LRRC53: variants seen among roughly 807,000 people sequenced by gnomAD.
LRRC53 encodes the protein leucine rich repeat containing 53.
In LRRC53, 25 loss-of-function variants were observed where a neutral mutation model predicts 13.6. That is an observed-to-expected ratio of 1.83 (90% confidence interval 1.34 to 2.56). The LOEUF (loss-of-function observed/expected upper bound fraction) is 2.56, where lower values mean the gene tolerates loss of function less well. LRRC53 is among the 30% of genes most tolerant of loss of function. The pLI is 0.00. For missense variants in LRRC53, 527 were observed against 275.8 expected, an observed-to-expected ratio of 1.91 and a Z score of -6.45; for synonymous variants, 204 against 109.8, an observed-to-expected ratio of 1.86 and a Z score of -5.37.
chr1:74,485,902 A>C (rs969665709), intron 1 of LRRC53, among the ~76,000 whole-genome samples: 2 of 152,108 alleles, frequency 1.3e-5, no homozygotes, highest in Non-Finnish European at 2.9e-5. Context: ...ATGCGCTTAA[A>C]AGAGGCCTTG....
chr1:74,526,974 A>T, the LRRC53 span, among the ~76,000 whole-genome samples: 1 of 152,254 alleles, frequency 6.6e-6, no homozygotes, highest in East Asian at 1.9e-4. Flanking sequence ...GCAAGAGACC[A>T]TATGGTCCAC....
intron 1 of LRRC53, among the ~76,000 whole-genome samples, chr1:74,510,369 A>G (rs1216369622): frequency 6.6e-6 from 1 of 152,008 alleles, no homozygotes; most frequent in East Asian, 1.9e-4. Context: ...TTAGCCGGGC[A>G]TGGTGCCTGG....
chr1:74,506,193 T>A (rs978494503), intron 1 of LRRC53, among the ~76,000 whole-genome samples: 63 of 152,238 alleles, frequency 4.1e-4, no homozygotes, highest in African/African-American at 1.4e-3. Context: ...ATCTGTGACA[T>A]AGAACAGAAA....
At chr1:74,507,655 T>G (rs1461715817) in intron 1 of LRRC53, among the ~76,000 whole-genome samples, 1 of 152,194 alleles carries the variant, frequency 6.6e-6, no homozygotes, top group Non-Finnish European at 1.5e-5. Flanking sequence ...CACATTAGGA[T>G]GGTTCACTGA....
intron 1 of LRRC53, among the ~76,000 whole-genome samples, chr1:74,506,672 G>A (rs1159032453): frequency 2.0e-5 from 3 of 152,172 alleles, no homozygotes; most frequent in Admixed American, 6.5e-5. Context: ...CGGACCTGCC[G>A]AATCTGCATT....
At chr1:74,536,095 A>G in the LRRC53 span, among the ~76,000 whole-genome samples, 1 of 152,164 alleles carries the variant, frequency 6.6e-6, no homozygotes, top group Non-Finnish European at 1.5e-5. Context: ...TATAATGTAC[A>G]TTAACTCACT....
chr1:74,513,399 A>G (rs530826159), upstream of LRRC53, among the ~76,000 whole-genome samples: 1 of 152,310 alleles, frequency 6.6e-6, no homozygotes, highest in East Asian at 1.9e-4. Context: ...GAACCTGATG[A>G]TGACTGTCTT....
chr1:74,505,823 GA>G (rs1296840712), intron 1 of LRRC53, among the ~76,000 whole-genome samples: 1 of 152,128 alleles, frequency 6.6e-6, no homozygotes, highest in Non-Finnish European at 1.5e-5. Flanking sequence ...AACCAAAGTG[GA>G]ATGAAAATCT....
intron 1 of LRRC53, chr1:74,492,091 A>G: frequency 6.5e-7 from 1 of 1,535,566 alleles, no homozygotes; most frequent in Non-Finnish European, 8.9e-7. Context: ...CCCCTCCTCC[A>G]CTCAGCTGAT....
intron 1 of LRRC53, among the ~76,000 whole-genome samples, chr1:74,508,238 T>C (rs1289845173): frequency 6.6e-6 from 1 of 152,228 alleles, no homozygotes; most frequent in Non-Finnish European, 1.5e-5. Context: ...GTAACAAACC[T>C]GCACCTTGTG....
intron 3 of LRRC53, among the ~76,000 whole-genome samples, chr1:74,476,891 T>C (rs1294337893): frequency 6.6e-6 from 1 of 152,186 alleles, no homozygotes; most frequent in Non-Finnish European, 1.5e-5. Flanking sequence ...CTTTTTTTTC[T>C]GTTAAAGATG....
chr1:74,524,271 C>A, the LRRC53 span, among the ~76,000 whole-genome samples: 1 of 152,154 alleles, frequency 6.6e-6, no homozygotes, highest in Non-Finnish European at 1.5e-5. Context: ...TGATCTCTGC[C>A]CCATTCAGAT....
At chr1:74,482,499 AT>A (rs1164044253) in intron 2 of LRRC53, among the ~76,000 whole-genome samples, 5 of 152,238 alleles carry the variant, frequency 3.3e-5, no homozygotes, top group African/African-American at 1.2e-4. Flanking sequence ...TCAACTATCC[AT>A]GAAAACCTCT....
At chr1:74,517,892 T>G in the LRRC53 span, among the ~76,000 whole-genome samples, 1 of 152,166 alleles carries the variant, frequency 6.6e-6, no homozygotes, top group Non-Finnish European at 1.5e-5. Context: ...ACATTTGAAT[T>G]TCTAACCAGT....
At chr1:74,499,908 C>T (rs936463506) in intron 1 of LRRC53, among the ~76,000 whole-genome samples, 4 of 152,024 alleles carry the variant, frequency 2.6e-5, no homozygotes, top group African/African-American at 9.7e-5. Context: ...CTGCTGAAAT[C>T]GTTTGGACTA....
the LRRC53 span, among the ~76,000 whole-genome samples, chr1:74,529,587 T>A: frequency 3.3e-5 from 5 of 152,216 alleles, no homozygotes; most frequent in Admixed American, 2.0e-4. Flanking sequence ...TGAGAGTAGA[T>A]GGAAGAATCA....
intron 1 of LRRC53, among the ~76,000 whole-genome samples, chr1:74,503,424 C>CTTATTATATTAGTGCTT (rs1157550002): frequency 1.3e-5 from 2 of 152,134 alleles, no homozygotes; most frequent in Non-Finnish European, 2.9e-5. Context: ...CTTATTGGAA[C>CTTATTATATTAGTGCTT]ATTATATTAG....
the LRRC53 span, among the ~76,000 whole-genome samples, chr1:74,528,570 G>T: frequency 1.3e-5 from 2 of 152,166 alleles, no homozygotes; most frequent in South Asian, 2.1e-4. Context: ...ATATATTTAG[G>T]ATAATGGGAG....
chr1:74,470,000 C>A lies in LRRC53; in HGVS notation c.3622G>T (p.Ala1208Ser), dbSNP rs1032111467. 2.0e-5 allele frequency: 8 copies of A among 400,580 alleles called. No individual in the cohort carries two copies. The highest frequency in any genetic ancestry group is 1.6e-4 in the African/African-American group (8 of 48,692). The allele number at this position is 400,580 out of a possible 1,614,324, so 24.8% of individuals were successfully genotyped here. A position where few individuals can be genotyped will look rare whatever the true frequency, so the allele number is the denominator to read the frequency against. ...GGAACTAAAAACACCTCATTTTCTG[C>A]CTCAAAACTGTCTTTTAACCCTGGT... ...FLPGLKDSFE[A>S]ENEVFLVPSR... The change falls in exon 5 of 5, where the codon GCA (alanine) becomes TCA (serine). Residue 1208 changes from alanine to serine, a missense_variant. By Grantham distance (99) the Ala-to-Ser change is moderately conservative (BLOSUM62 1). Transcript: ENST00000294635.
Sources: allele counts gnomAD v4.1 joint callset (sites outside exome capture counted in the v4.1 genomes callset), GRCh38; gene constraint gnomAD v4.1.1; transcripts MANE v1.5; gene names NCBI Gene and HGNC (gene_info 2026-07-23, HGNC 2026-07-21).